The following DPH6 variants were observed in gnomAD, a reference collection of about 807,000 sequenced individuals.
DPH6 encodes diphthine--ammonia ligase.
Under a neutral mutation model 38.2 loss-of-function variants are expected in DPH6, and 33 were observed. The ratio of observed to expected loss-of-function variants is 0.86; its 90% CI spans 0.65 to 1.15. The LOEUF (loss-of-function observed/expected upper bound fraction) is 1.15, where lower values mean the gene tolerates loss of function less well. DPH6 is among the 50% of genes most tolerant of loss of function. The pLI is 0.00. For missense variants in DPH6, 325 were observed against 320.0 expected (o/e 1.02, Z -0.12); for synonymous variants, 108 against 103.0 (o/e 1.05, Z -0.30).
intron 7 of DPH6, among the ~76,000 whole-genome samples, chr15:35,375,075 C>A (rs896032321): frequency 1.3e-5 from 2 of 152,048 alleles, no homozygotes; most frequent in East Asian, 3.9e-4. Flanking sequence ...CTAATTCAGG[C>A]AGCTTGGTTT....
intron 5 of DPH6, among the ~76,000 whole-genome samples, chr15:35,422,274 A>G (rs1440158645): frequency 2.6e-5 from 4 of 151,948 alleles, no homozygotes; most frequent in Non-Finnish European, 5.9e-5. Context: ...AACAGAAGCC[A>G]TGAAGTGAAA....
intron 3 of DPH6, among the ~76,000 whole-genome samples, chr15:35,288,413 C>G (rs1404928540): frequency 6.6e-6 from 1 of 152,124 alleles, no homozygotes; most frequent in Non-Finnish European, 1.5e-5. Context: ...GAGAATAAGT[C>G]TAGTCATTCA....
At chr15:35,238,207 C>G in intron 3 of DPH6, 1 of 100,946 alleles carries the variant, frequency 9.9e-6, no homozygotes, top group South Asian at 1.4e-4. Context: ...GAAAGGTGTA[C>G]TGGGGGTTGC....
chr15:35,524,778 A>C (rs2054974093), intron 3 of DPH6, among the ~76,000 whole-genome samples: 2 of 152,230 alleles, frequency 1.3e-5, no homozygotes, highest in Non-Finnish European at 1.5e-5. Flanking sequence ...AAACTGAAAG[A>C]AAATCACATG....
At chr15:35,286,315 CCT>C (rs1566859886) in intron 3 of DPH6, among the ~76,000 whole-genome samples, 1 of 152,178 alleles carries the variant, frequency 6.6e-6, no homozygotes, top group East Asian at 1.9e-4. Context: ...CCTTTAGCTA[CCT>C]CTTCATTTTC....
chr15:35,159,276 A>G, the DPH6 span, among the ~76,000 whole-genome samples: 1 of 151,822 alleles, frequency 6.6e-6, no homozygotes, highest in Non-Finnish European at 1.5e-5. Context: ...TGTAAGACCA[A>G]CTCCTCTGCT....
Position 35,298,969 on chromosome 15 carries a change from AATCTTC to A in DPH6, n.200+74546_200+74551del, listed in dbSNP as rs201599430. ...CTTGTTTTCCTCTTCTCTCGCTCCT[AATCTTC>A]ATCTTCATCAGAATCCGGATCTGAA... On this transcript the variant is annotated intron_variant and non_coding_transcript_variant, in intron 3 of 3. Coordinates refer to the DPH6 transcript ENST00000560386. 1,059 of 768,282 alleles carry A rather than the reference AATCTTC, an allele frequency of 1.4e-3. 15 individuals carry two copies. The East Asian group carries it at 0.024, about 18-fold the overall frequency. The allele number at this position is 768,282 out of a possible 1,614,324, so 47.6% of individuals were successfully genotyped here.
At chr15:35,241,869 A>G (rs553831077) in intron 3 of DPH6, among the ~76,000 whole-genome samples, 1 of 143,016 alleles carries the variant, frequency 7.0e-6, no homozygotes, top group East Asian at 2.2e-4. Context: ...CCCCCATTTT[A>G]CCTGTCTTAA....
At chr15:35,508,946 T>C (rs1037293185) in intron 3 of DPH6, among the ~76,000 whole-genome samples, 1 of 152,212 alleles carries the variant, frequency 6.6e-6, no homozygotes, top group Admixed American at 6.5e-5. Flanking sequence ...AATATCTACT[T>C]CCTTTCATTT....
chr15:35,502,068 G>T (rs2054634620), intron 3 of DPH6, among the ~76,000 whole-genome samples: 1 of 151,874 alleles, frequency 6.6e-6, no homozygotes, highest in Non-Finnish European at 1.5e-5. Flanking sequence ...CAGAATATGG[G>T]GAAAAATAAA....
At chr15:35,443,166 C>A (rs761154753) in intron 5 of DPH6, among the ~76,000 whole-genome samples, 55 of 152,020 alleles carry the variant, frequency 3.6e-4, no homozygotes, top group Admixed American at 2.6e-4. Context: ...ACAAAAAATT[C>A]TTTTTAACTG....
chr15:35,427,940 A>C (rs1453811096), intron 5 of DPH6, among the ~76,000 whole-genome samples: 1 of 151,952 alleles, frequency 6.6e-6, no homozygotes, highest in African/African-American at 2.4e-5. Flanking sequence ...AAAAGAAAAA[A>C]TACACAAAAA....
chr15:35,520,245 AGAAG>A, intron 3 of DPH6: 1 of 856,682 alleles, frequency 1.2e-6, no homozygotes, highest in Non-Finnish European at 1.4e-6. Flanking sequence ...AAAAAACAAA[AGAAG>A]AAGAATCAAA....
intron 3 of DPH6, among the ~76,000 whole-genome samples, chr15:35,526,845 C>T (rs1386809962): frequency 6.6e-6 from 1 of 152,042 alleles, no homozygotes. Context: ...TAGGTTAACC[C>T]TCTTTATCTC....
chr15:35,268,321 T>C (rs905355161), intron 3 of DPH6, among the ~76,000 whole-genome samples: 9 of 151,958 alleles, frequency 5.9e-5, no homozygotes, highest in Admixed American at 3.9e-4. Context: ...TGAAGCTAGA[T>C]AGAACAGACA....
chr15:35,331,927 T>C (rs939277511), intron 3 of DPH6, among the ~76,000 whole-genome samples: 1 of 152,158 alleles, frequency 6.6e-6, no homozygotes, highest in Admixed American at 6.6e-5. Flanking sequence ...GGCAGAAGAA[T>C]GGAGAAATGT....
chr15:35,263,774 C>CG (rs1054081981), intron 3 of DPH6, among the ~76,000 whole-genome samples: 1 of 151,630 alleles, frequency 6.6e-6, no homozygotes, highest in African/African-American at 2.4e-5. Context: ...TGCAGTGGAG[C>CG]GATCTCTGCT....
Position 35,304,802 on chromosome 15 carries a change from A to C in DPH6, n.200+68719T>G, listed in dbSNP as rs190314607. On this transcript the variant is annotated intron_variant and non_coding_transcript_variant, in intron 3 of 3. Coordinates refer to the DPH6 transcript ENST00000560386. ...GAAGCTATTTGGATGGTAAAAAAAA[A>C]AAAACAAAACTCAGCAAGCTGCAGC... Among the ~76,000 whole-genome samples, 318 of 152,150 alleles carry C rather than the reference A, an allele frequency of 2.1e-3. 2 individuals carry two copies. The highest frequency in any genetic ancestry group is 6.6e-3 in the East Asian group (34 of 5,180).
chr15:35,355,843 T>G (rs986488859), intron 3 of DPH6, among the ~76,000 whole-genome samples: 1 of 152,214 alleles, frequency 6.6e-6, no homozygotes, highest in Non-Finnish European at 1.5e-5. Context: ...CTTGCTAGAT[T>G]GGGGAAGTTC....
Sources: allele counts gnomAD v4.1 joint callset (sites outside exome capture counted in the v4.1 genomes callset), GRCh38; gene constraint gnomAD v4.1.1; transcripts MANE v1.5; gene names NCBI Gene and HGNC (gene_info 2026-07-23, HGNC 2026-07-21).